SMARCAD1: variants seen among roughly 807,000 people sequenced by gnomAD.
SMARCAD1 encodes the protein SWI/SNF-related matrix-associated actin-dependent regulator of chromatin subfamily A containing DEAD/H box 1.
Under a neutral mutation model 127.1 loss-of-function variants are expected in SMARCAD1, and 25 were observed. The observed-to-expected ratio is 0.20, with a 90% CI of 0.14 to 0.27. The LOEUF (loss-of-function observed/expected upper bound fraction) is 0.27. SMARCAD1 is among the 10% of genes least tolerant of loss of function. The pLI is 1.00. For missense variants in SMARCAD1, 807 were observed against 1,206.0 expected, an observed-to-expected ratio of 0.67 and a Z score of 4.90; for synonymous variants, 400 against 396.9, an observed-to-expected ratio of 1.01 and a Z score of -0.09.
intron 9 of SMARCAD1, among the ~76,000 whole-genome samples, chr4:94,262,676 T>C (rs1468463965): frequency 6.6e-6 from 1 of 152,180 alleles, no homozygotes; most frequent in Non-Finnish European, 1.5e-5. Context: ...AACAGTTCTT[T>C]TATTATTTCT....
At chr4:94,288,986 A>G (rs537657617) in intron 23 of SMARCAD1, among the ~76,000 whole-genome samples, 41 of 152,274 alleles carry the variant, frequency 2.7e-4, no homozygotes, top group African/African-American at 8.2e-4. Flanking sequence ...GGCTAATTTA[A>G]TCATCAGCTG....
At chr4:94,247,934 ATC>A (rs781282899) in intron 6 of SMARCAD1, among the ~76,000 whole-genome samples, 15 of 152,300 alleles carry the variant, frequency 9.8e-5, no homozygotes, top group Non-Finnish European at 2.2e-4. Flanking sequence ...GTATGAATGA[ATC>A]TGTCACCCAG....
intron 5 of SMARCAD1, among the ~76,000 whole-genome samples, chr4:94,238,158 A>G (rs1746995258): frequency 6.6e-6 from 1 of 152,188 alleles, no homozygotes; most frequent in Non-Finnish European, 1.5e-5. Context: ...TAGATTCTAC[A>G]TAAGATTTTT....
intron 3 of SMARCAD1, among the ~76,000 whole-genome samples, chr4:94,227,889 A>G (rs540564262): frequency 6.6e-6 from 1 of 152,304 alleles, no homozygotes; most frequent in African/African-American, 2.4e-5. Context: ...GGACACTAGT[A>G]TAGTATAGCT....
intron 19 of SMARCAD1, among the ~76,000 whole-genome samples, chr4:94,279,737 C>T (rs187273616): frequency 3.4e-4 from 52 of 152,210 alleles, no homozygotes; most frequent in African/African-American, 1.0e-3. Flanking sequence ...CCATAATGCA[C>T]TTCTTTTTCA....
At chr4:94,235,146 A>G (rs867364685) in intron 4 of SMARCAD1, among the ~76,000 whole-genome samples, 10 of 151,442 alleles carry the variant, frequency 6.6e-5, no homozygotes, top group African/African-American at 2.4e-4. Context: ...AAATAATGCA[A>G]CTGACTCCCA....
At chr4:94,263,958 A>G (rs549725540) in intron 9 of SMARCAD1, among the ~76,000 whole-genome samples, 1 of 152,074 alleles carries the variant, frequency 6.6e-6, no homozygotes, top group East Asian at 1.9e-4. Context: ...TAGCTTTTAC[A>G]TATGAAGTAT....
Position 94,282,100 on chromosome 4 carries a change from G to GTTTGT in SMARCAD1, c.2726+513_2726+514insGTTTT, listed in dbSNP as rs1553921643. Among the ~76,000 whole-genome samples the GTTTGT allele has an allele frequency of 2.4e-4, 18 of 74,958 alleles. 1 individual carries two copies. Among genetic ancestry groups the GTTTGT allele is most frequent in the African/African-American group, 2.7e-4 (5 of 18,346 alleles). 49.2% of individuals were successfully genotyped at this position (74,958 alleles called of 152,430 possible). A position where few individuals can be genotyped will look rare whatever the true frequency, so the allele number is the denominator to read the frequency against. ...GAATTACATGCAAATACGTTTTTTT[G>GTTTGT]TTTTTTTTTTTTTTTTTGAGACGGA... On this transcript the variant is annotated intron_variant, in intron 21 of 23. Transcript: ENST00000354268.
intron 9 of SMARCAD1, among the ~76,000 whole-genome samples, chr4:94,263,600 A>G (rs533276035): frequency 6.6e-6 from 1 of 152,188 alleles, no homozygotes; most frequent in East Asian, 1.9e-4. Context: ...TTATTTAGTT[A>G]TCTTAGTATA....
chr4:94,217,205 G>A (rs185662158), intron 2 of SMARCAD1, among the ~76,000 whole-genome samples: 52 of 151,894 alleles, frequency 3.4e-4, no homozygotes, highest in Non-Finnish European at 5.6e-4. Context: ...TTCATTATAG[G>A]GACTAAAGAA....
At chr4:94,257,937 T>C (rs2125930895) in intron 9 of SMARCAD1, among the ~76,000 whole-genome samples, 1 of 152,304 alleles carries the variant, frequency 6.6e-6, no homozygotes, top group South Asian at 2.1e-4. Flanking sequence ...TATGTTAATA[T>C]GGTAATTTTG....
In SMARCAD1 at chr4:94,214,343, A is replaced by G. The variant is rs561402529; in HGVS notation, c.190+5759A>G. On this transcript the variant is annotated intron_variant, in intron 2 of 23. Coordinates refer to ENST00000354268, the MANE Select transcript of SMARCAD1 (RefSeq NM_020159.5). ...AGTGGCGCAATCTCAACTCACTGCAATCTCTGCTCTCGGGTTCATGCCATT... is the reference window on the plus strand; with the variant it reads ...AGTGGCGCAATCTCAACTCACTGCAGTCTCTGCTCTCGGGTTCATGCCATT... Among the ~76,000 whole-genome samples, 140 of 150,794 alleles carry G rather than the reference A, an allele frequency of 9.3e-4. 1 individual carries two copies. Among genetic ancestry groups the G allele is most frequent in the African/African-American group, 3.2e-3 (129 of 40,908 alleles).
chr4:94,281,728 G>A, intron 21 of SMARCAD1, 138 bp downstream of exon 21: 1 of 681,796 alleles, frequency 1.5e-6, no homozygotes, highest in South Asian at 1.7e-5. Context: ...TAAAATAAGA[G>A]TAATTTCAAT....
At chr4:94,210,144 A>G (rs892274625) in intron 2 of SMARCAD1, among the ~76,000 whole-genome samples, 4 of 152,176 alleles carry the variant, frequency 2.6e-5, no homozygotes, top group Non-Finnish European at 4.4e-5. Context: ...ATTTCTTTCT[A>G]ATGATAACAC....
At chr4:94,275,791 A>ATTTTT (rs1753174031) in intron 14 of SMARCAD1, among the ~76,000 whole-genome samples, 2 of 61,536 alleles carry the variant, frequency 3.3e-5, no homozygotes, top group African/African-American at 9.5e-5. Flanking sequence ...TAACATTAAC[A>ATTTTT]TTTTCTTTTT....
intron 20 of SMARCAD1, 29 bp from the exon 21 acceptor site, chr4:94,281,443 A>G (rs201870111): frequency 1.6e-5 from 24 of 1,468,182 alleles, no homozygotes; most frequent in Middle Eastern, 1.7e-4. Context: ...GATTTTTTCT[A>G]TTTCTAATTC....
At chr4:94,236,786 A>G (rs1172506248) in intron 4 of SMARCAD1, among the ~76,000 whole-genome samples, 166 bp from the exon 5 acceptor site, 2 of 152,196 alleles carry the variant, frequency 1.3e-5, no homozygotes. Context: ...CTTTTACATA[A>G]AACAGATTTT....
intron 2 of SMARCAD1, among the ~76,000 whole-genome samples, 156 bp downstream of exon 2, chr4:94,208,740 C>G (rs1741677768): frequency 6.6e-6 from 1 of 152,144 alleles, no homozygotes; most frequent in Non-Finnish European, 1.5e-5. Context: ...GCCATAAGCA[C>G]CATGTACCCT....
chr4:94,223,579 T>C (rs1350273798), intron 2 of SMARCAD1, among the ~76,000 whole-genome samples: 2 of 151,846 alleles, frequency 1.3e-5, no homozygotes, highest in Non-Finnish European at 2.9e-5. Flanking sequence ...TTTTCTTTTT[T>C]TTTTTGGAGA....
Sources: allele counts gnomAD v4.1 joint callset (sites outside exome capture counted in the v4.1 genomes callset), GRCh38; gene constraint gnomAD v4.1.1; transcripts MANE v1.5; gene names NCBI Gene and HGNC (gene_info 2026-07-23, HGNC 2026-07-21).